The following GALNT13 variants were observed in gnomAD, a reference collection of about 807,000 sequenced individuals.
GALNT13 encodes the protein UDP-GalNAc:polypeptide N-acetylgalactosaminyltransferase 13.
GALNT13 carries 28 observed loss-of-function variants against 64.2 expected under a neutral mutation model. That is an observed-to-expected ratio of 0.44 (90% confidence interval 0.32 to 0.60). GALNT13 has a LOEUF of 0.60. Among genes scored for constraint, GALNT13 ranks in the 20% least tolerant of loss-of-function variants. GALNT13 has a pLI of 0.05. For missense variants in GALNT13, 577 were observed against 669.8 expected, an observed-to-expected ratio of 0.86 and a Z score of 1.53; for synonymous variants, 214 against 224.6, an observed-to-expected ratio of 0.95 and a Z score of 0.42.
the GALNT13 span, among the ~76,000 whole-genome samples, chr2:153,132,160 A>G: frequency 6.6e-6 from 1 of 152,198 alleles, no homozygotes; most frequent in African/African-American, 2.4e-5. Context: ...GGAGAGGACC[A>G]ATACCAGCTC....
chr2:154,302,501 T>A (rs1233074307), intron 9 of GALNT13, among the ~76,000 whole-genome samples: 1 of 152,208 alleles, frequency 6.6e-6, no homozygotes, highest in East Asian at 1.9e-4. Flanking sequence ...ATTGGCATGC[T>A]CTGATTTTTG....
At chr2:153,722,999 C>A in the GALNT13 span, among the ~76,000 whole-genome samples, 1 of 152,000 alleles carries the variant, frequency 6.6e-6, no homozygotes, top group African/African-American at 2.4e-5. Flanking sequence ...GAGACACAAC[C>A]AAAAGAGAGA....
At chr2:154,083,986 C>A (rs1251486925) in intron 3 of GALNT13, among the ~76,000 whole-genome samples, 1 of 151,776 alleles carries the variant, frequency 6.6e-6, no homozygotes, top group East Asian at 1.9e-4. Context: ...ATCATATCTG[C>A]AACCTAAGGA....
At chr2:153,290,581 C>G in the GALNT13 span, among the ~76,000 whole-genome samples, 1 of 152,276 alleles carries the variant, frequency 6.6e-6, no homozygotes, top group East Asian at 1.9e-4. Context: ...CAATACCAAT[C>G]TCCTTATTTT....
the GALNT13 span, among the ~76,000 whole-genome samples, chr2:153,675,535 G>C: frequency 2.0e-5 from 3 of 152,126 alleles, no homozygotes; most frequent in Non-Finnish European, 4.4e-5. Context: ...CACACACCGG[G>C]GCCTGTTGGC....
chr2:153,279,302 A>AAG, the GALNT13 span, among the ~76,000 whole-genome samples: 37 of 152,164 alleles, frequency 2.4e-4, no homozygotes, highest in Admixed American at 2.4e-3. Context: ...ATCATCAGTG[A>AAG]AGAGAGGTAG....
chr2:153,295,596 T>C, the GALNT13 span, among the ~76,000 whole-genome samples: 1 of 152,000 alleles, frequency 6.6e-6, no homozygotes, highest in Non-Finnish European at 1.5e-5. Flanking sequence ...TGGAATTCTG[T>C]AATTTAAGTA....
intron 11 of GALNT13, among the ~76,000 whole-genome samples, chr2:154,426,121 C>G (rs10168613): frequency 0.14 from 21,476 of 152,118 alleles, 1,738 homozygotes; most frequent in African/African-American, 0.21. Flanking sequence ...GATCTCAACT[C>G]AGCCTCAGGG....
At chr2:153,541,633 G>T in the GALNT13 span, among the ~76,000 whole-genome samples, 1 of 152,154 alleles carries the variant, frequency 6.6e-6, no homozygotes, top group Non-Finnish European at 1.5e-5. Flanking sequence ...TTGTTTGATT[G>T]TAGGCCATAA....
chr2:154,324,840 T>A (rs572650840), intron 9 of GALNT13, among the ~76,000 whole-genome samples: 15 of 152,236 alleles, frequency 9.9e-5, no homozygotes, highest in Non-Finnish European at 1.6e-4. Flanking sequence ...AGTCTATTTA[T>A]AATAGGTGGA....
chr2:154,052,569 G>A (rs1699683931), intron 3 of GALNT13, among the ~76,000 whole-genome samples: 1 of 151,924 alleles, frequency 6.6e-6, no homozygotes, highest in South Asian at 2.1e-4. Context: ...AGGTGAGTGA[G>A]TATAAGAGAG....
the GALNT13 span, among the ~76,000 whole-genome samples, chr2:153,162,399 T>C: frequency 6.6e-6 from 1 of 152,206 alleles, no homozygotes; most frequent in South Asian, 2.1e-4. Flanking sequence ...AGCACTAGCA[T>C]AAAGGGAGAG....
At chr2:153,355,488 TTC>T in the GALNT13 span, among the ~76,000 whole-genome samples, 1 of 152,180 alleles carries the variant, frequency 6.6e-6, no homozygotes, top group African/African-American at 2.4e-5. Context: ...TTTCAGTTGT[TTC>T]TGTTTGTGAA....
the GALNT13 span, among the ~76,000 whole-genome samples, chr2:153,286,374 T>C: frequency 7.9e-5 from 12 of 152,146 alleles, no homozygotes; most frequent in Non-Finnish European, 1.6e-4. Context: ...TCACAGAAAA[T>C]TTAGCTTTCT....
intron 12 of GALNT13, chr2:154,446,877 T>A (rs1701608143): frequency 1.9e-6 from 2 of 1,072,880 alleles, no homozygotes; most frequent in Non-Finnish European, 2.5e-6. Context: ...TGACCTTTTC[T>A]CCATGGAGTT....
At chr2:153,928,065 G>A (rs1390453536) in intron 2 of GALNT13, among the ~76,000 whole-genome samples, 1 of 151,972 alleles carries the variant, frequency 6.6e-6, no homozygotes, top group Non-Finnish European at 1.5e-5. Flanking sequence ...GTTCTTTTGT[G>A]TCTAGGGTTC....
the GALNT13 span, among the ~76,000 whole-genome samples, chr2:153,603,804 A>G: frequency 2.0e-5 from 3 of 152,102 alleles, no homozygotes; most frequent in South Asian, 6.2e-4. Context: ...AAAAGAGCCC[A>G]AGGCTTAGCT....
chr2:154,197,718 G>A (rs1439723108), intron 4 of GALNT13, among the ~76,000 whole-genome samples: 3 of 144,678 alleles, frequency 2.1e-5, no homozygotes, highest in African/African-American at 7.9e-5. Flanking sequence ...CTATTCATTG[G>A]ACAGCATCCA....
At chr2:153,665,748 G>A in the GALNT13 span, among the ~76,000 whole-genome samples, 1 of 152,104 alleles carries the variant, frequency 6.6e-6, no homozygotes, top group African/African-American at 2.4e-5. Flanking sequence ...GAGTTAGACA[G>A]GCATGGAGTG....
Sources: gnomAD v4.1 joint callset for allele counts (sites outside exome capture counted in the v4.1 genomes callset) on GRCh38, gnomAD v4.1.1 for gene constraint, MANE v1.5 for transcripts, NCBI Gene and HGNC (gene_info 2026-07-23, HGNC 2026-07-21) for gene names.